Variants in CFAP77 observed in about 807,000 individuals in gnomAD.
CFAP77 encodes cilia- and flagella-associated protein 77.
A neutral mutation model predicts 31.1 loss-of-function variants in CFAP77; 25 were observed. The observed-to-expected ratio is 0.80, with a 90% CI of 0.59 to 1.12. The LOEUF is 1.12. Ranked by LOEUF, CFAP77 falls within the 50% of genes most tolerant of loss-of-function variation. The pLI is 0.00. For synonymous variants in CFAP77, 151 were observed against 159.9 expected (o/e 0.94, Z 0.42); for missense variants, 377 against 397.3 (o/e 0.95, Z 0.44).
At chr9:132,470,684 G>A (rs1031938070) in intron 1 of CFAP77, among the ~76,000 whole-genome samples, 11 of 152,372 alleles carry the variant, frequency 7.2e-5, no homozygotes, top group Non-Finnish European at 8.8e-5. Context: ...CAGGCTCTGG[G>A]CATGTCTGCC....
At chr9:132,485,366 A>C (rs1267467279) in intron 1 of CFAP77, among the ~76,000 whole-genome samples, 2 of 152,210 alleles carry the variant, frequency 1.3e-5, no homozygotes. Flanking sequence ...GAGGTTAAGC[A>C]TTATAACTTG....
At chr9:132,412,107 C>T (rs182822837) in intron 1 of CFAP77, among the ~76,000 whole-genome samples, 153 of 152,310 alleles carry the variant, frequency 1.0e-3, no homozygotes, top group African/African-American at 3.4e-3. Context: ...ACTAGCTAAA[C>T]AGCTTCTAGG....
chr9:132,460,838 G>GC, intron 1 of CFAP77, among the ~76,000 whole-genome samples: 1 of 152,260 alleles, frequency 6.6e-6, no homozygotes. Context: ...TGATCCTCCT[G>GC]CCTCAGCCTC....
At chr9:132,423,336 G>A (rs1369455516) in intron 1 of CFAP77, among the ~76,000 whole-genome samples, 2 of 152,248 alleles carry the variant, frequency 1.3e-5, no homozygotes, top group Non-Finnish European at 2.9e-5. Flanking sequence ...AAGAGGCTGA[G>A]CCTGGAGTCT....
At chr9:132,426,387 A>G (rs1016055916) in intron 1 of CFAP77, among the ~76,000 whole-genome samples, 3 of 152,230 alleles carry the variant, frequency 2.0e-5, no homozygotes, top group African/African-American at 7.2e-5. Context: ...TTTTAAAAGT[A>G]GGATCCCGTT....
intron 4 of CFAP77, among the ~76,000 whole-genome samples, chr9:132,538,012 T>C (rs1002306524): frequency 3.3e-5 from 5 of 152,112 alleles, no homozygotes; most frequent in Non-Finnish European, 7.4e-5. Context: ...CTCGGGACCC[T>C]TCCCACCAAA....
intron 5 of CFAP77, among the ~76,000 whole-genome samples, chr9:132,562,522 T>C (rs1829828636): frequency 6.6e-6 from 1 of 152,184 alleles, no homozygotes; most frequent in Non-Finnish European, 1.5e-5. Context: ...TCTGTAAATT[T>C]TTTTTCATGC....
At position 132,490,136 on chromosome 9, in the gene CFAP77, G is replaced by A. The variant is rs535174; in HGVS notation, c.196-8559G>A. On this transcript the variant is annotated intron_variant, in intron 1 of 5. Coordinates refer to ENST00000393216, the MANE Select transcript of CFAP77 (RefSeq NM_001282957.2). The surrounding 1 kb of genome is among the most constrained non-coding windows in gnomAD (Gnocchi z 4.6). ...CTCGCATGACAGACGGACAGAAGGG[G>A]ATAAAAAGGGCGAACTCCCTCCATC... Among the ~76,000 whole-genome samples the A allele has an allele frequency of 0.27, 40,666 of 151,892 alleles. 6,558 individuals are homozygous for A. The highest frequency in any genetic ancestry group is 0.46 in the African/African-American group (18,916 of 41,354).
chr9:132,570,653 C>T lies in CFAP77; in HGVS notation c.733-1735C>T, dbSNP rs1829946286. On this transcript the variant is annotated intron_variant, in intron 5 of 5. Coordinates refer to ENST00000393216, the MANE Select transcript of CFAP77 (RefSeq NM_001282957.2). ...TTTCCAAAGAGCATCCCCAAGGGGT[C>T]CACATCCGCTAGAAGGTGAAGAACA... 2.0e-5 allele frequency among the ~76,000 whole-genome samples: 3 copies of T among 152,188 alleles called. No homozygotes were observed. In the South Asian group the frequency reaches 6.2e-4, roughly 32 times the overall value.
chr9:132,522,657 A>G (rs950740868), intron 3 of CFAP77, among the ~76,000 whole-genome samples: 5 of 152,226 alleles, frequency 3.3e-5, no homozygotes, highest in African/African-American at 1.2e-4. Flanking sequence ...AGCTCCTAAA[A>G]CTGCATTCTT....
rs1031725214 is a variant in CFAP77, at chr9:132,481,970, G to T, written c.196-16725G>T. ...CAAGGGTTTATGGTTGGGGGGGGGG[G>T]GGGCGGCGGAACACTGAACATTTTT... On this transcript the variant is annotated intron_variant, in intron 1 of 5. Coordinates refer to ENST00000393216, the MANE Select transcript of CFAP77 (RefSeq NM_001282957.2). This position sits in a 1 kb window ranked among gnomAD's most constrained non-coding sequence, Gnocchi z 5.0. Among the ~76,000 whole-genome samples the T allele has an allele frequency of 1.1e-4, 17 of 150,850 alleles. No homozygotes were observed. Among genetic ancestry groups the T allele is most frequent in the East Asian group, 1.9e-4 (1 of 5,168 alleles).
chr9:132,449,180 T>C (rs914641412), intron 1 of CFAP77, among the ~76,000 whole-genome samples: 3 of 152,228 alleles, frequency 2.0e-5, no homozygotes, highest in Admixed American at 2.0e-4. Flanking sequence ...TTGGTTGATT[T>C]GGCAGTTATG....
intron 1 of CFAP77, among the ~76,000 whole-genome samples, chr9:132,489,467 T>G (rs1036643528): frequency 3.9e-5 from 6 of 152,122 alleles, no homozygotes; most frequent in African/African-American, 1.4e-4. Context: ...GTGAACCTCT[T>G]TAAGCTACTT....
Position 132,481,639 on chromosome 9 carries a change from G to C in CFAP77, c.196-17056G>C, listed in dbSNP as rs1265455571. Among the ~76,000 whole-genome samples, 4 of 152,204 alleles carry C rather than the reference G, an allele frequency of 2.6e-5. No homozygotes were observed. The highest frequency in any genetic ancestry group is 9.6e-5 in the African/African-American group (4 of 41,454). On this transcript the variant is annotated intron_variant, in intron 1 of 5. Transcript: ENST00000393216. The surrounding 1 kb of genome is among the most constrained non-coding windows in gnomAD (Gnocchi z 5.0). Reference sequence around the variant, plus strand: ...ATAAAGCAACCCCAGAGGCTGCGAAGAGGAGGGGGTGGGAGGACCCTGTCC... The same window carrying C: ...ATAAAGCAACCCCAGAGGCTGCGAACAGGAGGGGGTGGGAGGACCCTGTCC...
chr9:132,510,100 T>C (rs1852007202), intron 3 of CFAP77, among the ~76,000 whole-genome samples: 1 of 152,088 alleles, frequency 6.6e-6, no homozygotes, highest in Non-Finnish European at 1.5e-5. Flanking sequence ...GAGGCACTGA[T>C]GGGCCCGTAA....
At chr9:132,410,605 C>T in intron 1 of CFAP77, 139 bp downstream of exon 1, 1 of 709,992 alleles carries the variant, frequency 1.4e-6, no homozygotes, top group South Asian at 2.2e-5. Context: ...CTGGTCCAGA[C>T]AGGCCTGGAC....
rs1227075373 is a variant in CFAP77 at position 132,497,157 on chromosome 9, G to A, written c.196-1538G>A. Among the ~76,000 whole-genome samples, 2 of 152,070 alleles carry A rather than the reference G, an allele frequency of 1.3e-5. No individual in the cohort carries two copies. The highest frequency in any genetic ancestry group is 3.9e-4 in the East Asian group (2 of 5,170). ...TATCTCAACAGGGGGTGCTGTGGGG[G>A]AGCCTGGGAGGCAAAGCTGCAGGGC... On this transcript the variant is annotated intron_variant, in intron 1 of 5. Transcript: ENST00000393216. The surrounding 1 kb of genome is among the most constrained non-coding windows in gnomAD (Gnocchi z 4.9).
intron 1 of CFAP77, among the ~76,000 whole-genome samples, chr9:132,470,552 A>G (rs1851237440): frequency 1.3e-5 from 2 of 152,178 alleles, no homozygotes; most frequent in East Asian, 3.9e-4. Context: ...TAGGGTCCTG[A>G]AATCTGGATG....
At chr9:132,463,951 C>T (rs1662624463) in intron 1 of CFAP77, among the ~76,000 whole-genome samples, 1 of 152,192 alleles carries the variant, frequency 6.6e-6, no homozygotes. Context: ...GGGCTGGGAG[C>T]CGCCTGATGG....
Sources: allele counts gnomAD v4.1 joint callset (sites outside exome capture counted in the v4.1 genomes callset), GRCh38; gene constraint gnomAD v4.1.1; non-coding constraint Gnocchi (gnomAD v3.1); transcripts MANE v1.5; gene names NCBI Gene and HGNC (gene_info 2026-07-23, HGNC 2026-07-21).